The following YPEL2 variants were observed in gnomAD, a reference collection of about 807,000 sequenced individuals.
YPEL2 encodes the protein yippee like 2, also known as protein yippee-like 2.
Under a neutral mutation model 19.1 loss-of-function variants are expected in YPEL2, and 2 were observed. The observed-to-expected ratio is 0.10, with a 90% confidence interval of 0.04 to 0.33. The LOEUF (loss-of-function observed/expected upper bound fraction) is 0.33. Among genes scored for constraint, YPEL2 ranks in the 10% least tolerant of loss-of-function variants. YPEL2 has a pLI of 1.00. For synonymous variants in YPEL2, 52 were observed against 50.0 expected, an observed-to-expected ratio of 1.04 and a Z score of -0.17; for missense variants, 66 against 140.7, an observed-to-expected ratio of 0.47 and a Z score of 2.68.
chr17:59,351,392 AGAAAGGTTGAGGGTATTT>A (rs2047786909), intron 1 of YPEL2, among the ~76,000 whole-genome samples: 2 of 152,028 alleles, frequency 1.3e-5, no homozygotes, highest in African/African-American at 2.4e-5. Context: ...AGAAAGAAAA[AGAAAGGTTGAGGGTATTT>A]CAGGAAACTC....
At chr17:59,383,748 AACTC>A (rs1199508696) in intron 2 of YPEL2, among the ~76,000 whole-genome samples, 2 of 148,442 alleles carry the variant, frequency 1.3e-5, no homozygotes, top group Non-Finnish European at 3.0e-5. Context: ...ATCTCTTACT[AACTC>A]TTATAGTTAA....
chr17:59,364,147 G>A (rs56726515), intron 2 of YPEL2, among the ~76,000 whole-genome samples: 3,258 of 152,222 alleles, frequency 0.021, 104 homozygotes, highest in East Asian at 0.12. Flanking sequence ...TCAATGTCCT[G>A]GAGTCATAGA....
intron 1 of YPEL2, among the ~76,000 whole-genome samples, chr17:59,350,686 T>A (rs1250475035): frequency 6.6e-6 from 1 of 152,272 alleles, no homozygotes; most frequent in African/African-American, 2.4e-5. Context: ...GATTTGAAGC[T>A]GAACATAACC....
intron 1 of YPEL2, among the ~76,000 whole-genome samples, chr17:59,336,121 G>A (rs895685801): frequency 2.6e-5 from 4 of 152,190 alleles, no homozygotes; most frequent in African/African-American, 9.7e-5. Context: ...GGTTGAATGC[G>A]TGAATGACCA....
At chr17:59,373,021 G>A (rs1438455806) in intron 2 of YPEL2, among the ~76,000 whole-genome samples, 1 of 152,154 alleles carries the variant, frequency 6.6e-6, no homozygotes, top group Non-Finnish European at 1.5e-5. Context: ...TTACAGGCGT[G>A]TGCCACCACA....
In YPEL2 at chr17:59,397,305, C is replaced by A; in HGVS notation, c.*115C>A. On this transcript the variant is annotated 3_prime_UTR_variant, in exon 5 of 5. Coordinates refer to ENST00000312655, the MANE Select transcript of YPEL2 (RefSeq NM_001005404.4). Reference sequence around the variant, plus strand: ...TCCATCCATTTAGGGGCCTTGCCATCCGGGGCATCCTCCCACCCTGACGCC... The same window carrying A: ...TCCATCCATTTAGGGGCCTTGCCATACGGGGCATCCTCCCACCCTGACGCC... 1 of 695,590 alleles carries A rather than the reference C, an allele frequency of 1.4e-6. No individual in the cohort carries two copies. Among genetic ancestry groups the A allele is most frequent in the Non-Finnish European group, 2.2e-6 (1 of 446,382 alleles). The allele number at this position is 695,590 out of a possible 1,614,324, so 43.1% of individuals were successfully genotyped here. A position where few individuals can be genotyped will look rare whatever the true frequency, so the allele number is the denominator to read the frequency against.
chr17:59,350,630 A>G (rs1394606811), intron 1 of YPEL2, among the ~76,000 whole-genome samples: 33 of 152,224 alleles, frequency 2.2e-4, no homozygotes, highest in Admixed American at 2.2e-3. Flanking sequence ...ACAAACAAGA[A>G]ATGCTTATTT....
At chr17:59,333,012 C>G (rs569580036) in intron 1 of YPEL2, among the ~76,000 whole-genome samples, 15 of 152,358 alleles carry the variant, frequency 9.8e-5, no homozygotes, top group African/African-American at 2.6e-4. Flanking sequence ...CTTCCCTGTG[C>G]CTCACAGAGC....
intron 2 of YPEL2, among the ~76,000 whole-genome samples, chr17:59,380,482 C>A (rs563643485): frequency 6.6e-6 from 1 of 152,134 alleles, no homozygotes; most frequent in African/African-American, 2.4e-5. Flanking sequence ...GTTGGCCAGG[C>A]TGGTCTCGAA....
intron 1 of YPEL2, among the ~76,000 whole-genome samples, chr17:59,340,710 C>T (rs1288619932): frequency 1.3e-5 from 2 of 150,806 alleles, no homozygotes; most frequent in African/African-American, 4.9e-5. Context: ...CCACCGCACC[C>T]AGCCGAACTT....
chr17:59,385,059 A>G (rs1686911805), intron 2 of YPEL2, among the ~76,000 whole-genome samples: 1 of 152,232 alleles, frequency 6.6e-6, no homozygotes, highest in Admixed American at 6.5e-5. Context: ...TTTTGAAGCT[A>G]GAAGGGGATT....
rs919291607 is a variant in YPEL2 at position 59,373,273 on chromosome 17, G to C, written c.118-15054G>C. Among the ~76,000 whole-genome samples the C allele has an allele frequency of 3.9e-5, 6 of 152,308 alleles. No homozygotes were observed. In the Middle Eastern group the frequency reaches 0.01, roughly 259 times the overall value. On this transcript the variant is annotated intron_variant, in intron 2 of 4. Coordinates refer to ENST00000312655, the MANE Select transcript of YPEL2 (RefSeq NM_001005404.4). Reference sequence around the variant, plus strand: ...TGGGGATGTAGCTGGACTGTACTGAGGAGTCCTTAGCAGCAAAACAGATGC... The same window carrying C: ...TGGGGATGTAGCTGGACTGTACTGACGAGTCCTTAGCAGCAAAACAGATGC...
At chr17:59,346,973 C>G (rs1415851607) in intron 1 of YPEL2, among the ~76,000 whole-genome samples, 1 of 152,098 alleles carries the variant, frequency 6.6e-6, no homozygotes, top group Non-Finnish European at 1.5e-5. Flanking sequence ...TAAGAGAGTT[C>G]CTGACACATG....
chr17:59,370,675 C>T (rs2047892565), intron 2 of YPEL2, among the ~76,000 whole-genome samples: 1 of 152,202 alleles, frequency 6.6e-6, no homozygotes, highest in African/African-American at 2.4e-5. Context: ...CCAAACATGG[C>T]ACCCCAGATT....
intron 2 of YPEL2, among the ~76,000 whole-genome samples, chr17:59,364,612 C>CTTTTTTTTTTTTTTTTTTTTTTTTTTT (rs56282847): frequency 9.2e-6 from 1 of 108,674 alleles, no homozygotes; most frequent in Non-Finnish European, 1.8e-5. Context: ...CCCTCTGTGT[C>CTTTTTTTTTTTTTTTTTTTTTTTTTTT]TTTTTTTTTT....
At chr17:59,388,543 C>A (rs2286485) in intron 3 of YPEL2, among the ~76,000 whole-genome samples, 173 bp downstream of exon 3, 79,126 of 151,912 alleles carry the variant, frequency 0.52, 21,015 homozygotes, top group East Asian at 0.67. Context: ...CATTTCTTGC[C>A]AACATCTCTG....
chr17:59,338,087 G>T (rs2047708714), intron 1 of YPEL2, among the ~76,000 whole-genome samples: 1 of 152,168 alleles, frequency 6.6e-6, no homozygotes, highest in African/African-American at 2.4e-5. Flanking sequence ...GCAATACCTG[G>T]GTCTCCTGAG....
intron 2 of YPEL2, among the ~76,000 whole-genome samples, chr17:59,386,767 G>A (rs1164014256): frequency 6.6e-6 from 1 of 152,194 alleles, no homozygotes; most frequent in African/African-American, 2.4e-5. Context: ...TAGCTGCTCA[G>A]TTGTAGCCTG....
chr17:59,390,485 A>G (rs1170335879), intron 4 of YPEL2, among the ~76,000 whole-genome samples: 1 of 152,210 alleles, frequency 6.6e-6, no homozygotes, highest in East Asian at 1.9e-4. Context: ...TGATACTCCA[A>G]TAAATGTTCC....
Sources: gnomAD v4.1 joint callset for allele counts (sites outside exome capture counted in the v4.1 genomes callset) on GRCh38, gnomAD v4.1.1 for gene constraint, MANE v1.5 for transcripts, NCBI Gene and HGNC (gene_info 2026-07-23, HGNC 2026-07-21) for gene names.